Variants in CACNA1A observed in about 807,000 individuals in gnomAD.
The protein encoded by CACNA1A is voltage-dependent P/Q-type calcium channel subunit alpha-1A.
In CACNA1A, 57 loss-of-function variants were observed where a neutral mutation model predicts 262.4. The observed-to-expected ratio is 0.22, with a 90% CI of 0.18 to 0.27. The LOEUF is 0.27. CACNA1A is among the 10% of genes least tolerant of loss of function. The pLI, the probability that CACNA1A is intolerant of heterozygous loss-of-function variation, is 1.00. For missense variants in CACNA1A, 2,526 were observed against 3,562.8 expected, an observed-to-expected ratio of 0.71 and a Z score of 7.41; for synonymous variants, 1,431 against 1,419.3, an observed-to-expected ratio of 1.01 and a Z score of -0.18.
At chr19:13,301,364 C>T (rs1019074469) in intron 17 of CACNA1A, among the ~76,000 whole-genome samples, 1 of 152,182 alleles carries the variant, frequency 6.6e-6, no homozygotes, top group African/African-American at 2.4e-5. Flanking sequence ...CACCAACTAC[C>T]CTCACACACA....
Position 13,252,989 on chromosome 19 carries a change from A to G in CACNA1A, c.4866+2T>C. The G allele has an allele frequency of 6.3e-7, 1 of 1,599,498 alleles. No individual in the cohort carries two copies. Reference sequence around the variant, plus strand: ...TAGCTGTAGCCCCAAGGTGGTACTTACCAGAATCCCAAAAGCCATGACTTT... The same window carrying G: ...TAGCTGTAGCCCCAAGGTGGTACTTGCCAGAATCCCAAAAGCCATGACTTT... On this transcript the variant is annotated splice_donor_variant, in intron 30 of 46. Coordinates refer to ENST00000360228, the MANE Select transcript of CACNA1A (RefSeq NM_001127222.2). LOFTEE classifies it high-confidence loss of function.
intron 1 of CACNA1A, among the ~76,000 whole-genome samples, chr19:13,479,462 G>A (rs1473392970): frequency 6.8e-6 from 1 of 146,940 alleles, no homozygotes; most frequent in South Asian, 2.2e-4. Context: ...GTCTGAGGAA[G>A]AGTAAAGACA....
At chr19:13,373,588 C>T (rs1251248886) in intron 3 of CACNA1A, among the ~76,000 whole-genome samples, 1 of 152,194 alleles carries the variant, frequency 6.6e-6, no homozygotes, top group Admixed American at 6.5e-5. Flanking sequence ...GGACAACTCA[C>T]CCTTCCTTGC....
chr19:13,218,530 C>A (rs1238998658), intron 38 of CACNA1A, among the ~76,000 whole-genome samples: 1 of 152,182 alleles, frequency 6.6e-6, no homozygotes, highest in African/African-American at 2.4e-5. Context: ...CACCTGGTGT[C>A]TCCTGGACCC....
At chr19:13,346,355 G>A (rs1463433334) in intron 6 of CACNA1A, among the ~76,000 whole-genome samples, 1 of 151,760 alleles carries the variant, frequency 6.6e-6, no homozygotes, top group Non-Finnish European at 1.5e-5. Context: ...TACCTCGGCT[G>A]CTGTTCCCTG....
chr19:13,478,210 T>C (rs997416027), intron 1 of CACNA1A, among the ~76,000 whole-genome samples: 3 of 152,174 alleles, frequency 2.0e-5, no homozygotes, highest in South Asian at 4.1e-4. Context: ...GTGATAAATG[T>C]TATGAAAGAA....
intron 3 of CACNA1A, among the ~76,000 whole-genome samples, chr19:13,420,059 C>T (rs746102725): frequency 5.9e-5 from 9 of 151,274 alleles, no homozygotes; most frequent in African/African-American, 1.9e-4. Flanking sequence ...CCAGCCTGGG[C>T]GACAGAGCGG....
At chr19:13,309,059 T>C (rs1252861254) in intron 12 of CACNA1A, among the ~76,000 whole-genome samples, 1 of 151,416 alleles carries the variant, frequency 6.6e-6, no homozygotes. Flanking sequence ...CCCAGGCTGG[T>C]GTGCAGTGGC....
At chr19:13,230,234 G>A (rs2055614981) in intron 35 of CACNA1A, 25 bp from the exon 36 acceptor site, 2 of 1,613,368 alleles carry the variant, frequency 1.2e-6, no homozygotes, top group African/African-American at 1.3e-5. Context: ...GGGACCAAGA[G>A]AGAATGGGGG....
rs184140791 is a variant in CACNA1A, at chr19:13,505,817, C to A, written c.293+115G>T. ...GCCCCCTCTCCCAGCCCCTGGAAGA[C>A]CCCCCTCCTCCCCACCTCCCATCAA... On this transcript the variant is annotated intron_variant, in intron 1 of 46. Transcript: ENST00000360228. 4.6e-6 allele frequency: 5 copies of A among 1,081,162 alleles called. No homozygotes were observed. The Admixed American group carries it at 1.0e-4, about 22-fold the overall frequency. 67.0% of individuals were successfully genotyped at this position (1,081,162 alleles called of 1,614,324 possible).
rs1600293635 is a variant in CACNA1A at position 13,308,656 on chromosome 19, G to C, written c.1669-128C>G. The C allele has an allele frequency of 1.7e-6, 1 of 600,436 alleles. No homozygotes were observed. The highest frequency in any genetic ancestry group is 2.8e-5 in the East Asian group (1 of 35,614). 37.2% of individuals were successfully genotyped at this position (600,436 alleles called of 1,614,324 possible). A position where few individuals can be genotyped will look rare whatever the true frequency, so the allele number is the denominator to read the frequency against. Reference sequence around the variant, plus strand: ...TCCCTCCAAATGGAAGCCGGGTGAGGATCCTTGACCCCCTCATTCATCCAT... The same window carrying C: ...TCCCTCCAAATGGAAGCCGGGTGAGCATCCTTGACCCCCTCATTCATCCAT... On this transcript the variant is annotated intron_variant, in intron 12 of 46. Transcript: ENST00000360228. The surrounding 1 kb of genome is among the most constrained non-coding windows in gnomAD (Gnocchi z 4.2).
intron 19 of CACNA1A, among the ~76,000 whole-genome samples, chr19:13,297,501 T>G (rs1295369007): frequency 1.3e-5 from 2 of 152,026 alleles, no homozygotes; most frequent in Non-Finnish European, 2.9e-5. Flanking sequence ...GAGCCAGGCC[T>G]CATTTCTACT....
chr19:13,344,324 G>GGTCAA (rs2145179693), intron 6 of CACNA1A, among the ~76,000 whole-genome samples: 1 of 151,742 alleles, frequency 6.6e-6, no homozygotes, highest in East Asian at 1.9e-4. Context: ...AGAAAAGAAA[G>GGTCAA]GTCAAGTTCA....
intron 18 of CACNA1A, among the ~76,000 whole-genome samples, chr19:13,299,910 G>A (rs536041551): frequency 6.6e-6 from 1 of 152,318 alleles, no homozygotes; most frequent in Admixed American, 6.5e-5. Context: ...GAGATCATCA[G>A]GCATTCGATT....
intron 1 of CACNA1A, among the ~76,000 whole-genome samples, chr19:13,477,586 G>A (rs182872071): frequency 2.0e-3 from 299 of 152,318 alleles, no homozygotes; most frequent in Non-Finnish European, 3.2e-3. Context: ...TCAACACAGC[G>A]ATCGTTCCTT....
At chr19:13,361,952 T>C (rs1406976693) in intron 5 of CACNA1A, 1 of 152,100 alleles carries the variant, frequency 6.6e-6, no homozygotes, top group Non-Finnish European at 1.5e-5. Flanking sequence ...TGTAGCCTCT[T>C]TGTGTAGCCC....
At chr19:13,279,168 T>C (rs1242522532) in intron 22 of CACNA1A, among the ~76,000 whole-genome samples, 1 of 152,004 alleles carries the variant, frequency 6.6e-6, no homozygotes, top group East Asian at 1.9e-4. Flanking sequence ...GCCGTGGGGG[T>C]CAGGTGAATC....
chr19:13,462,848 C>T (rs558990611), intron 1 of CACNA1A, among the ~76,000 whole-genome samples: 1 of 152,258 alleles, frequency 6.6e-6, no homozygotes, highest in South Asian at 2.1e-4. Context: ...TAGCCTTGAC[C>T]TCCCAGGCTC....
intron 31 of CACNA1A, among the ~76,000 whole-genome samples, chr19:13,239,951 G>T (rs1315449476): frequency 1.3e-5 from 2 of 151,738 alleles, no homozygotes; most frequent in African/African-American, 4.9e-5. Context: ...AGGAGTTCGA[G>T]ACCAGCCTGG....
Sources: allele counts gnomAD v4.1 joint callset (sites outside exome capture counted in the v4.1 genomes callset), GRCh38; gene constraint gnomAD v4.1.1; non-coding constraint Gnocchi (gnomAD v3.1); transcripts MANE v1.5; gene names NCBI Gene and HGNC (gene_info 2026-07-23, HGNC 2026-07-21).